Variants in DLGAP2 observed in about 807,000 individuals in gnomAD.
DLGAP2 encodes disks large-associated protein 2.
Under a neutral mutation model 100.3 loss-of-function variants are expected in DLGAP2, and 26 were observed. The ratio of observed to expected loss-of-function variants is 0.26; its 90% CI spans 0.19 to 0.36. The LOEUF is 0.36. Among genes scored for constraint, DLGAP2 ranks in the 10% least tolerant of loss-of-function variants. The pLI, the probability that DLGAP2 is intolerant of heterozygous loss-of-function variation, is 1.00. For synonymous variants in DLGAP2, 886 were observed against 630.1 expected (o/e 1.41, Z -6.08); for missense variants, 1,858 against 1,453.2 (o/e 1.28, Z -4.53).
At chr8:1,602,552 C>T (rs1796662443) in intron 6 of DLGAP2, among the ~76,000 whole-genome samples, 1 of 152,256 alleles carries the variant, frequency 6.6e-6, no homozygotes, top group African/African-American at 2.4e-5. Context: ...CATCAGGCCT[C>T]AGGCCTGCCC....
rs186588891 is a variant in DLGAP2, at chr8:949,020, G to A, written c.73+41054G>A. ...GGGAGCAGGACCTGTCGGGGTGGCT[G>A]CCGCCATCTTGAGGGGACGCCAGGG... is the stretch of plus-strand genomic sequence containing the variant. On this transcript the variant is annotated intron_variant, in intron 2 of 14. Transcript: ENST00000637795. Among the ~76,000 whole-genome samples the A allele has an allele frequency of 3.0e-3, 459 of 151,244 alleles. 6 individuals are homozygous for A. Among genetic ancestry groups the A allele is most frequent in the Non-Finnish European group, 5.8e-3 (391 of 67,794 alleles).
chr8:1,410,058 A>G (rs1277490983), intron 3 of DLGAP2, among the ~76,000 whole-genome samples: 1 of 152,160 alleles, frequency 6.6e-6, no homozygotes, highest in Non-Finnish European at 1.5e-5. Context: ...TGGCTAACTG[A>G]GAAATGGTGT....
chr8:998,330 T>G (rs1257675128), intron 2 of DLGAP2, among the ~76,000 whole-genome samples: 2 of 152,208 alleles, frequency 1.3e-5, no homozygotes, highest in Non-Finnish European at 2.9e-5. Context: ...AGACAGGGTC[T>G]TGCTCTGTCA....
chr8:1,452,911 C>T (rs535762759), intron 3 of DLGAP2, among the ~76,000 whole-genome samples: 6 of 152,290 alleles, frequency 3.9e-5, no homozygotes, highest in African/African-American at 7.2e-5. Flanking sequence ...TTACGAAGGC[C>T]TGTGAGCCCC....
intron 2 of DLGAP2, among the ~76,000 whole-genome samples, chr8:1,241,474 C>T (rs1311348497): frequency 6.6e-6 from 1 of 152,194 alleles, no homozygotes; most frequent in African/African-American, 2.4e-5. Flanking sequence ...TTTATTTCTT[C>T]CTTGACGTTA....
At chr8:1,363,474 C>G (rs938006598) in intron 3 of DLGAP2, among the ~76,000 whole-genome samples, 2 of 152,352 alleles carry the variant, frequency 1.3e-5, no homozygotes, top group Non-Finnish European at 1.5e-5. Context: ...CCTCCACCAC[C>G]CAGTGATGGC....
At chr8:1,362,664 G>T (rs1191104489) in intron 3 of DLGAP2, among the ~76,000 whole-genome samples, 2 of 152,174 alleles carry the variant, frequency 1.3e-5, no homozygotes, top group African/African-American at 2.4e-5. Context: ...TTTTACAGTG[G>T]CAGGCAGTGC....
At chr8:1,298,003 C>T (rs1443177137) in intron 3 of DLGAP2, among the ~76,000 whole-genome samples, 1 of 37,298 alleles carries the variant, frequency 2.7e-5, no homozygotes, top group East Asian at 5.2e-4. Context: ...TCAACAGACA[C>T]CACGTGAGAC....
chr8:799,873 AG>A, intron 1 of DLGAP2, among the ~76,000 whole-genome samples: 1 of 152,318 alleles, frequency 6.6e-6, no homozygotes, highest in Non-Finnish European at 1.5e-5. Context: ...CTGGGATGAT[AG>A]GTGAGAGCCA....
At chr8:1,698,450 G>A (rs988277489) in intron 14 of DLGAP2, among the ~76,000 whole-genome samples, 4 of 151,610 alleles carry the variant, frequency 2.6e-5, no homozygotes, top group Non-Finnish European at 4.4e-5. Flanking sequence ...GTCCACGTAA[G>A]CCATGCATGG....
intron 4 of DLGAP2, among the ~76,000 whole-genome samples, chr8:1,512,431 G>T (rs1224495392): frequency 1.3e-5 from 2 of 152,164 alleles, no homozygotes; most frequent in Non-Finnish European, 2.9e-5. Flanking sequence ...GCCAGCGTGG[G>T]TGTCAGCCGT....
intron 1 of DLGAP2, among the ~76,000 whole-genome samples, chr8:766,372 C>A (rs1443083891): frequency 6.6e-6 from 1 of 152,226 alleles, no homozygotes; most frequent in Non-Finnish European, 1.5e-5. Context: ...GTTCAAGTCA[C>A]ACCTATGCTG....
At chr8:1,313,150 A>G (rs1800652008) in intron 3 of DLGAP2, among the ~76,000 whole-genome samples, 1 of 152,192 alleles carries the variant, frequency 6.6e-6, no homozygotes, top group Non-Finnish European at 1.5e-5. Context: ...ATGTCTGTTT[A>G]TATAGACATA....
At chr8:1,631,621 G>T (rs942837405) in intron 7 of DLGAP2, among the ~76,000 whole-genome samples, 1 of 152,136 alleles carries the variant, frequency 6.6e-6, no homozygotes, top group Non-Finnish European at 1.5e-5. Context: ...TCTGAAAAAG[G>T]CCACCCCGCC....
intron 2 of DLGAP2, among the ~76,000 whole-genome samples, chr8:1,005,770 C>G (rs1801091229): frequency 6.6e-6 from 1 of 152,124 alleles, no homozygotes; most frequent in Non-Finnish European, 1.5e-5. Context: ...ACTGCAGACA[C>G]CAATCTGGAT....
At chr8:1,011,464 G>C (rs149256667) in intron 2 of DLGAP2, among the ~76,000 whole-genome samples, 4,310 of 148,234 alleles carry the variant, frequency 0.029, 141 homozygotes, top group African/African-American at 0.1. Flanking sequence ...GCCCTGGAAT[G>C]GGGGGTCTCA....
At chr8:1,383,987 G>C (rs935801711) in intron 3 of DLGAP2, among the ~76,000 whole-genome samples, 1 of 152,184 alleles carries the variant, frequency 6.6e-6, no homozygotes, top group African/African-American at 2.4e-5. Context: ...TGGGGTTTTG[G>C]TGTCTGTACT....
At chr8:1,320,053 G>C (rs1234212597) in intron 3 of DLGAP2, among the ~76,000 whole-genome samples, 2 of 152,122 alleles carry the variant, frequency 1.3e-5, no homozygotes, top group South Asian at 2.1e-4. Context: ...TGGGCCCAGG[G>C]AGTTGAGGAA....
intron 2 of DLGAP2, among the ~76,000 whole-genome samples, chr8:912,517 G>C (rs985822968): frequency 1.3e-5 from 2 of 152,226 alleles, no homozygotes; most frequent in Non-Finnish European, 2.9e-5. Flanking sequence ...CTGTGGTCCA[G>C]TTTCAAGCTG....
Sources: allele counts gnomAD v4.1 joint callset (sites outside exome capture counted in the v4.1 genomes callset), GRCh38; gene constraint gnomAD v4.1.1; transcripts MANE v1.5; gene names NCBI Gene and HGNC (gene_info 2026-07-23, HGNC 2026-07-21).